FGF14: variants seen among roughly 807,000 people sequenced by gnomAD.
FGF14 encodes fibroblast growth factor homologous factor 4.
A neutral mutation model predicts 25.5 loss-of-function variants in FGF14; 5 were observed. That is an observed-to-expected ratio of 0.20 (90% CI 0.10 to 0.41). The LOEUF (loss-of-function observed/expected upper bound fraction) is 0.41. Among genes scored for constraint, FGF14 ranks in the 10% least tolerant of loss-of-function variants. The pLI is 1.00. For missense variants in FGF14, 222 were observed against 320.1 expected, an observed-to-expected ratio of 0.69 and a Z score of 2.34; for synonymous variants, 138 against 118.3, an observed-to-expected ratio of 1.17 and a Z score of -1.08.
At chr13:102,273,208 T>C (rs1029694798) in intron 1 of FGF14, among the ~76,000 whole-genome samples, 1 of 152,188 alleles carries the variant, frequency 6.6e-6, no homozygotes, top group Non-Finnish European at 1.5e-5. Flanking sequence ...CTGAGTAACT[T>C]TTGGACAGGG....
chr13:101,857,355 C>A (rs915159174), intron 3 of FGF14, among the ~76,000 whole-genome samples: 3 of 151,946 alleles, frequency 2.0e-5, no homozygotes, highest in Non-Finnish European at 1.5e-5. Flanking sequence ...AAATAGCAAC[C>A]AATTATGGTG....
upstream of FGF14, among the ~76,000 whole-genome samples, chr13:101,917,506 G>A (rs1455415527): frequency 1.3e-5 from 2 of 152,072 alleles, no homozygotes; most frequent in Admixed American, 6.5e-5. Flanking sequence ...CGAGCCTTCC[G>A]CGGCTTGGTT....
intron 1 of FGF14, among the ~76,000 whole-genome samples, chr13:102,331,455 T>C (rs1272792547): frequency 6.6e-6 from 1 of 152,202 alleles, no homozygotes; most frequent in Non-Finnish European, 1.5e-5. Context: ...ACATTCACAC[T>C]GTAGTTCACA....
At chr13:102,386,677 A>G (rs2058311498) in intron 1 of FGF14, among the ~76,000 whole-genome samples, 1 of 152,150 alleles carries the variant, frequency 6.6e-6, no homozygotes, top group Non-Finnish European at 1.5e-5. Context: ...GGCTCTCACA[A>G]ATACAAGTTA....
At chr13:101,785,938 G>T (rs1234556504) in intron 3 of FGF14, among the ~76,000 whole-genome samples, 1 of 152,188 alleles carries the variant, frequency 6.6e-6, no homozygotes, top group East Asian at 1.9e-4. Flanking sequence ...ATTGTCACCT[G>T]CCAGGAACTG....
chr13:102,387,306 C>T (rs1312416104), intron 1 of FGF14, among the ~76,000 whole-genome samples: 1 of 152,124 alleles, frequency 6.6e-6, no homozygotes, highest in Non-Finnish European at 1.5e-5. Context: ...AATTTTATAA[C>T]AGAAAAGAGT....
intron 1 of FGF14, among the ~76,000 whole-genome samples, chr13:101,930,359 GCT>G (rs2034667163): frequency 6.6e-6 from 1 of 151,672 alleles, no homozygotes; most frequent in Admixed American, 6.6e-5. Context: ...TTAAAATATT[GCT>G]CTCTTTATGG....
chr13:102,259,498 CCTT>C (rs2052612262), intron 1 of FGF14, among the ~76,000 whole-genome samples: 2 of 152,170 alleles, frequency 1.3e-5, no homozygotes, highest in South Asian at 4.1e-4. Context: ...AGACACTCCT[CCTT>C]GTTTTTGTAG....
At chr13:101,759,323 T>TGGGATGGA (rs1189013463) in intron 3 of FGF14, among the ~76,000 whole-genome samples, 5 of 152,162 alleles carry the variant, frequency 3.3e-5, no homozygotes, top group African/African-American at 1.2e-4. Context: ...TTAGGGAACC[T>TGGGATGGA]GGGATGGAGT....
intron 1 of FGF14, among the ~76,000 whole-genome samples, chr13:102,369,614 T>C (rs2057817374): frequency 2.0e-5 from 3 of 152,142 alleles, no homozygotes; most frequent in South Asian, 4.1e-4. Flanking sequence ...AGGTTATCCA[T>C]TGCTGCCTTA....
At chr13:101,899,575 T>C (rs1290807913) in intron 1 of FGF14, among the ~76,000 whole-genome samples, 2 of 151,850 alleles carry the variant, frequency 1.3e-5, no homozygotes, top group Non-Finnish European at 2.9e-5. Context: ...ACATAAAAAA[T>C]GTATAAAATC....
chr13:101,856,183 T>C (rs1218507209), intron 3 of FGF14, among the ~76,000 whole-genome samples: 1 of 151,808 alleles, frequency 6.6e-6, no homozygotes, highest in Non-Finnish European at 1.5e-5. Flanking sequence ...AGTTTATTTC[T>C]CCATGGACAT....
At chr13:101,855,987 T>A (rs1175809832) in intron 3 of FGF14, among the ~76,000 whole-genome samples, 1 of 151,602 alleles carries the variant, frequency 6.6e-6, no homozygotes, top group Non-Finnish European at 1.5e-5. Flanking sequence ...TCTTGTACAA[T>A]GTAATTTTAA....
chr13:102,156,353 A>G (rs530872835), intron 1 of FGF14, among the ~76,000 whole-genome samples: 1 of 152,248 alleles, frequency 6.6e-6, no homozygotes, highest in Non-Finnish European at 1.5e-5. Context: ...AGGCTGGTTC[A>G]ACACACAAAA....
chr13:101,956,992 C>T (rs1184888842), intron 1 of FGF14, among the ~76,000 whole-genome samples: 1 of 151,744 alleles, frequency 6.6e-6, no homozygotes, highest in Non-Finnish European at 1.5e-5. Flanking sequence ...AATAATGAGA[C>T]CATAGCTAAA....
intron 1 of FGF14, among the ~76,000 whole-genome samples, chr13:102,057,044 T>C (rs1303698078): frequency 6.6e-6 from 1 of 151,932 alleles, no homozygotes; most frequent in Non-Finnish European, 1.5e-5. Flanking sequence ...TTTAGATCAT[T>C]GCTGCCAATA....
intron 1 of FGF14, among the ~76,000 whole-genome samples, chr13:102,011,756 G>T (rs941818965): frequency 3.9e-5 from 6 of 152,126 alleles, no homozygotes; most frequent in Admixed American, 2.0e-4. Flanking sequence ...CAAAGTCTCC[G>T]GTCATCAAGC....
chr13:102,140,711 T>A (rs1382439868), intron 1 of FGF14, among the ~76,000 whole-genome samples: 1 of 152,184 alleles, frequency 6.6e-6, no homozygotes, highest in Non-Finnish European at 1.5e-5. Context: ...TCACAATTTT[T>A]TGAGGAGACT....
chr13:102,165,481 A>T (rs2047959653), intron 1 of FGF14, among the ~76,000 whole-genome samples: 1 of 151,994 alleles, frequency 6.6e-6, no homozygotes, highest in Non-Finnish European at 1.5e-5. Context: ...AATACTATGC[A>T]GCCATAAAAA....
Sources: gnomAD v4.1 joint callset for allele counts (sites outside exome capture counted in the v4.1 genomes callset) on GRCh38, gnomAD v4.1.1 for gene constraint, MANE v1.5 for transcripts, NCBI Gene and HGNC (gene_info 2026-07-23, HGNC 2026-07-21) for gene names.